PLEKHG5: variants seen among roughly 807,000 people sequenced by gnomAD.
PLEKHG5 encodes pleckstrin homology domain-containing family G member 5.
Under a neutral mutation model 103.8 loss-of-function variants are expected in PLEKHG5, and 52 were observed. That is an observed-to-expected ratio of 0.50 (90% confidence interval 0.40 to 0.63). The LOEUF is 0.63. PLEKHG5 is among the 30% of genes least tolerant of loss of function. The pLI is 0.00. For missense variants in PLEKHG5, 1,205 were observed against 1,347.6 expected (o/e 0.89, Z 1.66); for synonymous variants, 592 against 575.5 (o/e 1.03, Z -0.41).
In PLEKHG5 at chr1:6,468,145, G is replaced by C. The variant is rs755539639; in HGVS notation, c.2691C>G (p.Ala897=). 7.6e-6 allele frequency: 12 copies of C among 1,571,222 alleles called. No individual in the cohort carries two copies. The highest frequency in any genetic ancestry group is 1.0e-5 in the Non-Finnish European group (12 of 1,158,018). ...AGAGTHGTPS[A]PSRSLSELCL... ...AGAGCTCTGACAGGCTGCGGCTGGG[G>C]GCAGAGGGTGTCCCATGGGTGCCAG... The change falls in exon 20 of 21, where the codon GCC becomes GCG. Residue 897 remains alanine (A), a synonymous_variant. Transcript: ENST00000377728.
upstream of PLEKHG5, chr1:6,497,418 C>T: frequency 8.3e-6 from 8 of 963,310 alleles, no homozygotes; most frequent in Non-Finnish European, 8.7e-6. The surrounding 1 kb of genome is among the most constrained non-coding windows in gnomAD (Gnocchi z 6.1). Context: ...CCGCCGGACC[C>T]TCGCACGGGA....
chr1:6,471,020 G>C lies in PLEKHG5; in HGVS notation c.1362C>G (p.Arg454=). The C allele has an allele frequency of 6.2e-7, 1 of 1,606,218 alleles. No individual in the cohort carries two copies. The highest frequency in any genetic ancestry group is 2.3e-5 in the East Asian group (1 of 44,362). ...GCMEYMRGLL[R]DNDLFRAYIT... is the part of the protein sequence containing the mutation. The stretch of plus-strand genomic sequence containing the variant: ...TGTAGGCCCGGAAGAGGTCGTTGTC[G>C]CGCAGCAGGCCGCGCATGTACTCCA... The change falls in exon 13 of 21, where the codon CGC becomes CGG. Residue 454 remains arginine (R), a synonymous_variant. Transcript: ENST00000377728.
At chr1:6,500,908 C>T (rs551887048), upstream of PLEKHG5, among the ~76,000 whole-genome samples, 3 of 152,356 alleles carry the variant, frequency 2.0e-5, no homozygotes, top group South Asian at 2.1e-4. Flanking sequence ...CTGTCTCAGT[C>T]GCAGGAGGCC....
chr1:6,506,921 G>T (rs1228586982), intron 1 of PLEKHG5, among the ~76,000 whole-genome samples: 1 of 152,244 alleles, frequency 6.6e-6, no homozygotes, highest in East Asian at 1.9e-4. Context: ...TAGAGCCCTA[G>T]GCAGCCGAAC....
rs2986739 is a variant in PLEKHG5, at chr1:6,487,996, A to G, written c.-88+3641T>C. 0.24 allele frequency among the ~76,000 whole-genome samples: 36,345 copies of G among 152,112 alleles called. 6,418 individuals carry two copies. The highest frequency in any genetic ancestry group is 0.5 in the African/African-American group (20,606 of 41,462). ...CAGGATATCCCTTCCTGTGGCCGAC[A>G]GTCAACAGAGCCTTCCCCACTGCCA... On this transcript the variant is annotated intron_variant, in intron 1 of 20. Coordinates refer to ENST00000377728, the MANE Select transcript of PLEKHG5 (RefSeq NM_020631.6). This position sits in a 1 kb window ranked among gnomAD's most constrained non-coding sequence, Gnocchi z 4.1.
chr1:6,469,818 G>A, intron 16 of PLEKHG5, 142 bp from the exon 17 acceptor site: 1 of 732,410 alleles, frequency 1.4e-6, no homozygotes, highest in Non-Finnish European at 2.3e-6. Context: ...AAAATGAAGA[G>A]GAAGATGATT....
chr1:6,474,770 C>T, intron 5 of PLEKHG5, 183 bp from the exon 6 acceptor site: 1 of 689,552 alleles, frequency 1.5e-6, no homozygotes. Flanking sequence ...GAGGTGCTCA[C>T]ACAGGCGCAT....
chr1:6,468,073 C>T lies in PLEKHG5; in HGVS notation c.2763G>A (p.Gln921=). 1 of 1,581,340 alleles carries T rather than the reference C, an allele frequency of 6.3e-7. No individual in the cohort carries two copies. The highest frequency in any genetic ancestry group is 8.6e-7 in the Non-Finnish European group (1 of 1,165,696). ...GGCAATCCCAGCTGGGCCCAGCTTC[C>T]TGAGGGGAGCCCTGAGTCCTAATAC... The part of the protein sequence containing the change: ...APGIRTQGSP[Q]EAGPSWDCRG... Residue 921 remains glutamine, a synonymous_variant, in exon 20 of 21, where the codon CAG becomes CAA. Coordinates refer to ENST00000377728, the MANE Select transcript of PLEKHG5 (RefSeq NM_020631.6).
rs183597768 is a variant in PLEKHG5 at position 6,505,297 on chromosome 1, G to A, written c.-164-8728C>T. ...ACAGTACCGACCAGCCCACGATGCC[G>A]ACCAGCCTACGGTGCCGACCAGCTG... On this transcript the variant is annotated intron_variant, in intron 1 of 21. Coordinates refer to the PLEKHG5 transcript ENST00000377740. The surrounding 1 kb of genome is among the most constrained non-coding windows in gnomAD (Gnocchi z 4.2). Among the ~76,000 whole-genome samples the A allele has an allele frequency of 8.0e-4, 121 of 152,102 alleles. 2 individuals are homozygous for A. The East Asian group carries it at 0.016, about 20-fold the overall frequency.
intron 9 of PLEKHG5, 43 bp downstream of exon 9, chr1:6,472,943 C>T: frequency 6.3e-7 from 1 of 1,592,000 alleles, no homozygotes; most frequent in Non-Finnish European, 8.6e-7. Flanking sequence ...GGGCTGTCCT[C>T]CTTTCGGGAC....
rs548007752 is a variant in PLEKHG5, at chr1:6,486,543, GC to G, written c.-88+5093del. On this transcript the variant is annotated intron_variant, in intron 1 of 20. Coordinates refer to ENST00000377728, the MANE Select transcript of PLEKHG5 (RefSeq NM_020631.6). The surrounding 1 kb of genome is among the most constrained non-coding windows in gnomAD (Gnocchi z 5.3). ...CTGCTCTGAGAGGCTATCCTTGGCA[GC>G]CCCCAGGAGCTGGGTGAGGTGGAGG... Among the ~76,000 whole-genome samples the G allele has an allele frequency of 1.6e-4, 25 of 152,358 alleles. No homozygotes were observed. Among genetic ancestry groups the G allele is most frequent in the Admixed American group, 1.3e-3 (20 of 15,308 alleles).
chr1:6,504,071 G>GC, intron 1 of PLEKHG5, among the ~76,000 whole-genome samples: 1 of 152,348 alleles, frequency 6.6e-6, no homozygotes, highest in East Asian at 1.9e-4. Context: ...GGCTGGCCCT[G>GC]CTGGCTTGGG....
intron 6 of PLEKHG5, 112 bp from the exon 7 acceptor site, chr1:6,474,276 C>A: frequency 7.2e-7 from 1 of 1,382,204 alleles, no homozygotes. Flanking sequence ...CCTCCCCCGA[C>A]AGCCCCGCCC....
chr1:6,477,697 TC>T (rs751762379), intron 1 of PLEKHG5, 39 bp from the exon 2 acceptor site: 21 of 1,589,964 alleles, frequency 1.3e-5, no homozygotes, highest in South Asian at 3.3e-5. Flanking sequence ...GTCCACGAGA[TC>T]CACCACATCC....
chr1:6,482,400 C>T (rs1407630228), intron 1 of PLEKHG5, among the ~76,000 whole-genome samples: 1 of 152,108 alleles, frequency 6.6e-6, no homozygotes, highest in Non-Finnish European at 1.5e-5. Context: ...CTGGTGAAAG[C>T]CCGATGAGAG....
At chr1:6,485,416 G>T (rs1645006501) in intron 1 of PLEKHG5, 2 of 1,343,566 alleles carry the variant, frequency 1.5e-6, no homozygotes, top group African/African-American at 1.5e-5. Context: ...GCTGCTAGGC[G>T]TCCGGAGACA....
In PLEKHG5 at chr1:6,519,986, T is replaced by C; in HGVS notation, c.-706A>G. The C allele has an allele frequency of 1.8e-5, 4 of 225,402 alleles. No individual in the cohort carries two copies. In the South Asian group the frequency reaches 2.7e-4, roughly 15 times the overall value. The allele number at this position is 225,402 out of a possible 1,614,324, so 14.0% of individuals were successfully genotyped here. The stretch of plus-strand genomic sequence containing the variant: ...GCAGCAGCCCCTCTGCTGGGCTCCT[T>C]GGCTACCAGGAAGGCCTTAGTTTGG... On this transcript the variant is annotated 5_prime_UTR_variant, in exon 1 of 22. Coordinates refer to the PLEKHG5 transcript ENST00000377740.
At chr1:6,496,813 C>G, upstream of PLEKHG5, 1 of 567,292 alleles carries the variant, frequency 1.8e-6, no homozygotes, top group East Asian at 3.3e-5. Flanking sequence ...TTTGGAAATA[C>G]GCTGCTCTCT....
In PLEKHG5 at chr1:6,485,985, C is replaced by CA. The variant is rs1645028478; in HGVS notation, c.-88+5651_-88+5652insT. 4 of 815,474 alleles carry CA rather than the reference C, an allele frequency of 4.9e-6. No homozygotes were observed. In the South Asian group the frequency reaches 1.7e-4, roughly 34 times the overall value. The allele number at this position is 815,474 out of a possible 1,614,324, so 50.5% of individuals were successfully genotyped here. On this transcript the variant is annotated intron_variant, in intron 1 of 20. Coordinates refer to ENST00000377728, the MANE Select transcript of PLEKHG5 (RefSeq NM_020631.6). ...CAGGGGGCGCTGGTGACACCCCCCCCCACCTTGGAGACTGTGGAGCCCCTC... is the reference window on the plus strand; with the variant it reads ...CAGGGGGCGCTGGTGACACCCCCCCCACACCTTGGAGACTGTGGAGCCCCTC...
Sources: gnomAD v4.1 joint callset for allele counts (sites outside exome capture counted in the v4.1 genomes callset) on GRCh38, gnomAD v4.1.1 for gene constraint, Gnocchi (gnomAD v3.1) non-coding constraint, MANE v1.5 for transcripts, NCBI Gene and HGNC (gene_info 2026-07-23, HGNC 2026-07-21) for gene names.